The following DLGAP1 variants were observed in gnomAD, a reference collection of about 807,000 sequenced individuals.
DLGAP1 encodes the protein disks large-associated protein 1.
DLGAP1 carries 11 observed loss-of-function variants against 90.8 expected under a neutral mutation model. That is an observed-to-expected ratio of 0.12 (90% CI 0.08 to 0.20). The LOEUF (loss-of-function observed/expected upper bound fraction) is 0.20, where lower values mean the gene tolerates loss of function less well. DLGAP1 is among the 10% of genes least tolerant of loss of function. The pLI, the probability that DLGAP1 is intolerant of heterozygous loss-of-function variation, is 1.00. For missense variants in DLGAP1, 1,050 were observed against 1,333.8 expected (o/e 0.79, Z 3.31); for synonymous variants, 558 against 540.7 (o/e 1.03, Z -0.44).
intron 3 of DLGAP1, among the ~76,000 whole-genome samples, chr18:3,969,717 C>A (rs1328668106): frequency 6.6e-6 from 1 of 152,164 alleles, no homozygotes. Flanking sequence ...ACAGATTATG[C>A]AAAATCAAAA....
At chr18:4,288,694 A>G (rs113237830) in intron 1 of DLGAP1, among the ~76,000 whole-genome samples, 4,774 of 152,040 alleles carry the variant, frequency 0.031, 170 homozygotes, top group African/African-American at 0.089. Context: ...ATGTTTTAGG[A>G]GTTAGAATCA....
intron 3 of DLGAP1, among the ~76,000 whole-genome samples, chr18:3,943,921 C>G (rs1477894245): frequency 6.6e-6 from 1 of 152,188 alleles, no homozygotes; most frequent in East Asian, 1.9e-4. Flanking sequence ...AGACAGCCAC[C>G]TGCAAGTCAA....
chr18:3,756,090 C>T (rs1263648856), intron 5 of DLGAP1, among the ~76,000 whole-genome samples: 1 of 151,852 alleles, frequency 6.6e-6, no homozygotes, highest in Admixed American at 6.6e-5. Flanking sequence ...CACTCTGTCA[C>T]CCAGACTGGA....
chr18:3,853,474 G>A (rs569122317), intron 4 of DLGAP1, among the ~76,000 whole-genome samples: 11 of 151,678 alleles, frequency 7.3e-5, no homozygotes, highest in Non-Finnish European at 1.6e-4. Flanking sequence ...ATTGCCTACA[G>A]TATTCAGCAC....
At chr18:4,184,356 G>A (rs2077256497) in intron 1 of DLGAP1, among the ~76,000 whole-genome samples, 1 of 152,106 alleles carries the variant, frequency 6.6e-6, no homozygotes, top group Admixed American at 6.6e-5. Context: ...AGATCATTTT[G>A]TTGGTTGACC....
chr18:3,845,248 C>A, intron 4 of DLGAP1: 1 of 1,612,864 alleles, frequency 6.2e-7, no homozygotes, highest in Non-Finnish European at 8.5e-7. Flanking sequence ...AGCTGGAATG[C>A]CAAACAGAAT....
chr18:4,091,080 T>C (rs967030074), intron 2 of DLGAP1, among the ~76,000 whole-genome samples: 2 of 151,988 alleles, frequency 1.3e-5, no homozygotes, highest in Non-Finnish European at 2.9e-5. Context: ...CAACATATAC[T>C]GGGGCCTATT....
intron 2 of DLGAP1, among the ~76,000 whole-genome samples, chr18:4,086,807 T>G (rs1308493199): frequency 1.3e-5 from 2 of 152,006 alleles, no homozygotes; most frequent in Non-Finnish European, 2.9e-5. Flanking sequence ...GTTGTTAAGT[T>G]CTATATCCTT....
chr18:4,402,396 T>C (rs138656636), intron 1 of DLGAP1, among the ~76,000 whole-genome samples: 1 of 152,364 alleles, frequency 6.6e-6, no homozygotes, highest in African/African-American at 2.4e-5. Context: ...TTATTAATGT[T>C]AGGAACTAAA....
At chr18:4,331,811 A>G (rs2080958757) in intron 1 of DLGAP1, among the ~76,000 whole-genome samples, 1 of 151,900 alleles carries the variant, frequency 6.6e-6, no homozygotes, top group African/African-American at 2.4e-5. Flanking sequence ...AGTACTTTCC[A>G]TTATTAGCAT....
intron 7 of DLGAP1, among the ~76,000 whole-genome samples, chr18:3,599,259 TC>T (rs1258335617): frequency 2.6e-5 from 4 of 152,208 alleles, no homozygotes; most frequent in African/African-American, 9.7e-5. Context: ...TTACCTATAG[TC>T]TCATTAAATT....
chr18:4,115,546 C>T (rs1405888810), intron 2 of DLGAP1, among the ~76,000 whole-genome samples: 3 of 150,970 alleles, frequency 2.0e-5, no homozygotes, highest in African/African-American at 2.5e-5. Flanking sequence ...AGTGCAGTGG[C>T]GAGATCTCGG....
chr18:3,691,142 G>A (rs1325637732), intron 7 of DLGAP1, among the ~76,000 whole-genome samples: 1 of 152,120 alleles, frequency 6.6e-6, no homozygotes, highest in Non-Finnish European at 1.5e-5. Context: ...TCATAAGTAG[G>A]ATGAACATCA....
intron 1 of DLGAP1, among the ~76,000 whole-genome samples, chr18:4,183,935 T>C (rs1224484945): frequency 6.6e-6 from 1 of 152,168 alleles, no homozygotes; most frequent in Non-Finnish European, 1.5e-5. Context: ...TATTTTCTCA[T>C]CTTGTTGCAG....
intron 8 of DLGAP1, among the ~76,000 whole-genome samples, chr18:3,575,901 A>G (rs504767): frequency 0.69 from 105,457 of 152,086 alleles, 37,438 homozygotes; most frequent in East Asian, 0.99. Context: ...AGAGTGCCAC[A>G]AGGTGCTCCC....
At chr18:4,391,976 T>G (rs1472497551) in intron 1 of DLGAP1, among the ~76,000 whole-genome samples, 1 of 152,212 alleles carries the variant, frequency 6.6e-6, no homozygotes, top group Admixed American at 6.5e-5. Flanking sequence ...TTTTAATCAG[T>G]TACTGATTTG....
At chr18:3,507,279 T>C (rs910181017) in intron 11 of DLGAP1, among the ~76,000 whole-genome samples, 1 of 151,850 alleles carries the variant, frequency 6.6e-6, no homozygotes, top group Admixed American at 6.6e-5. Context: ...AGGTCAGGAG[T>C]TTGAGACTAT....
At position 3,525,886 on chromosome 18, in the gene DLGAP1, G is replaced by A. The variant is rs537553428; in HGVS notation, c.2479+8308C>T. ...CATCACTTCACCTCTTCATGCTTTCGTGCCCTCCTGAGCTGGGAGACACCA... is the reference window on the plus strand; with the variant it reads ...CATCACTTCACCTCTTCATGCTTTCATGCCCTCCTGAGCTGGGAGACACCA... On this transcript the variant is annotated intron_variant, in intron 10 of 12. Coordinates refer to ENST00000315677, the MANE Select transcript of DLGAP1 (RefSeq NM_004746.4). Among the ~76,000 whole-genome samples the A allele has an allele frequency of 2.7e-4, 41 of 152,186 alleles. 1 individual carries two copies. In the South Asian group the frequency reaches 5.8e-3, roughly 22 times the overall value.
At chr18:4,325,525 GAAAC>G (rs552044814) in intron 1 of DLGAP1, among the ~76,000 whole-genome samples, 62 of 152,016 alleles carry the variant, frequency 4.1e-4, no homozygotes, top group African/African-American at 1.4e-3. Flanking sequence ...AAATTCATAT[GAAAC>G]AAACAAACAA....
Sources: allele counts gnomAD v4.1 joint callset (sites outside exome capture counted in the v4.1 genomes callset), GRCh38; gene constraint gnomAD v4.1.1; transcripts MANE v1.5; gene names NCBI Gene and HGNC (gene_info 2026-07-23, HGNC 2026-07-21).